Variants in FSTL5 observed in about 807,000 individuals in gnomAD.
FSTL5 encodes follistatin-related protein 5.
A neutral mutation model predicts 89.1 loss-of-function variants in FSTL5; 62 were observed. The ratio of observed to expected loss-of-function variants is 0.70; its 90% CI spans 0.57 to 0.86. FSTL5 has a LOEUF of 0.86. FSTL5 is among the 40% of genes least tolerant of loss of function. FSTL5 has a pLI of 0.00. For missense variants in FSTL5, 1,057 were observed against 1,001.6 expected (o/e 1.06, Z -0.75); for synonymous variants, 383 against 346.2 (o/e 1.11, Z -1.18).
chr4:161,879,585 A>C (rs1470808597), intron 4 of FSTL5, among the ~76,000 whole-genome samples: 1 of 151,844 alleles, frequency 6.6e-6, no homozygotes, highest in Non-Finnish European at 1.5e-5. Flanking sequence ...CTCCTTCCTC[A>C]CTCTTGTCCC....
At chr4:161,593,491 A>G (rs1400932863) in intron 7 of FSTL5, among the ~76,000 whole-genome samples, 4 of 151,880 alleles carry the variant, frequency 2.6e-5, no homozygotes, top group Non-Finnish European at 5.9e-5. Flanking sequence ...AGAGAAAAAA[A>G]GATCAGAGAA....
At chr4:161,402,005 T>C (rs1371217120) in intron 15 of FSTL5, among the ~76,000 whole-genome samples, 4 of 152,212 alleles carry the variant, frequency 2.6e-5, no homozygotes, top group Non-Finnish European at 4.4e-5. Context: ...TTAGATTTGA[T>C]CTTTTCATTT....
Position 161,817,973 on chromosome 4 carries a change from G to A in FSTL5, c.410-41899C>T, listed in dbSNP as rs558911161. On this transcript the variant is annotated intron_variant, in intron 4 of 15. Transcript: ENST00000306100. ...TCGGGGTCCACCCCCACGGACCTAAGTGAGGACAGGCATGTCTTGCGCAAA... is the reference window on the plus strand; with the variant it reads ...TCGGGGTCCACCCCCACGGACCTAAATGAGGACAGGCATGTCTTGCGCAAA... Among the ~76,000 whole-genome samples the A allele has an allele frequency of 7.2e-5, 11 of 152,346 alleles. No homozygotes were observed. The East Asian group carries it at 7.7e-4, about 11-fold the overall frequency.
chr4:161,624,231 T>C (rs375585345), intron 7 of FSTL5, among the ~76,000 whole-genome samples: 2 of 152,020 alleles, frequency 1.3e-5, no homozygotes, highest in East Asian at 1.9e-4. Flanking sequence ...CATCCCTTTA[T>C]TATTACAATT....
At chr4:161,565,329 A>C (rs568984360) in intron 8 of FSTL5, among the ~76,000 whole-genome samples, 1 of 152,052 alleles carries the variant, frequency 6.6e-6, no homozygotes, top group East Asian at 1.9e-4. Flanking sequence ...TCTTAGAAGT[A>C]GGTTTGCTTA....
chr4:161,719,346 T>G (rs1285205911), intron 6 of FSTL5, among the ~76,000 whole-genome samples: 1 of 152,196 alleles, frequency 6.6e-6, no homozygotes, highest in Non-Finnish European at 1.5e-5. Flanking sequence ...TTACTGTAGC[T>G]TTGAAATGGA....
At chr4:161,665,574 C>G (rs1347417340) in intron 6 of FSTL5, among the ~76,000 whole-genome samples, 2 of 152,064 alleles carry the variant, frequency 1.3e-5, no homozygotes, top group Non-Finnish European at 2.9e-5. Context: ...AAGATACAGC[C>G]TGCCTATATG....
rs1284008297 is a variant in FSTL5 at position 162,121,112 on chromosome 4, TTA to T, written c.-16-9702_-16-9701del. Among the ~76,000 whole-genome samples, 4 of 151,894 alleles carry T rather than the reference TTA, an allele frequency of 2.6e-5. No individual in the cohort carries two copies. The East Asian group carries it at 7.7e-4, about 29-fold the overall frequency. ...TTTGAATTTGTATGTAAATATACAT[TTA>T]GTTATTGATATATAGATATATAAAC... On this transcript the variant is annotated intron_variant, in intron 1 of 15. Coordinates refer to ENST00000306100, the MANE Select transcript of FSTL5 (RefSeq NM_020116.5).
intron 1 of FSTL5, among the ~76,000 whole-genome samples, chr4:162,127,680 A>C (rs1732135850): frequency 1.3e-5 from 2 of 152,184 alleles, no homozygotes; most frequent in African/African-American, 4.8e-5. Context: ...ATTTGAACTG[A>C]AAATACTAAT....
chr4:161,755,630 C>T (rs1740541375), intron 6 of FSTL5, among the ~76,000 whole-genome samples: 1 of 152,036 alleles, frequency 6.6e-6, no homozygotes, highest in South Asian at 2.1e-4. Context: ...TGGAGGAAGG[C>T]ATCCTGGATG....
intron 2 of FSTL5, among the ~76,000 whole-genome samples, chr4:162,064,326 T>C (rs1481870123): frequency 6.6e-6 from 1 of 152,028 alleles, no homozygotes; most frequent in African/African-American, 2.4e-5. Context: ...AAATGATACA[T>C]GCAGTGATTC....
intron 6 of FSTL5, among the ~76,000 whole-genome samples, chr4:161,699,242 A>C (rs958552188): frequency 6.6e-6 from 1 of 152,162 alleles, no homozygotes; most frequent in Non-Finnish European, 1.5e-5. Context: ...ATTTTTTAAA[A>C]CTTTTCATAT....
At chr4:161,983,965 T>C (rs1735896478) in intron 3 of FSTL5, among the ~76,000 whole-genome samples, 1 of 152,068 alleles carries the variant, frequency 6.6e-6, no homozygotes, top group Non-Finnish European at 1.5e-5. Flanking sequence ...GTAAAAAACT[T>C]TCCTGAAAAA....
intron 1 of FSTL5, among the ~76,000 whole-genome samples, chr4:162,142,747 A>G (rs1447512247): frequency 6.6e-6 from 1 of 152,176 alleles, no homozygotes; most frequent in Admixed American, 6.5e-5. Context: ...AGATGACAGA[A>G]CAAGCATTCT....
At chr4:161,469,377 C>A (rs1733855705) in intron 13 of FSTL5, among the ~76,000 whole-genome samples, 1 of 152,106 alleles carries the variant, frequency 6.6e-6, no homozygotes, top group Non-Finnish European at 1.5e-5. Context: ...TTTTAAATAA[C>A]CACCAGTCTC....
At chr4:161,712,740 T>C (rs1188111249) in intron 6 of FSTL5, among the ~76,000 whole-genome samples, 1 of 152,046 alleles carries the variant, frequency 6.6e-6, no homozygotes, top group East Asian at 1.9e-4. Flanking sequence ...ATGAGTTCAC[T>C]GGAGATCTCG....
intron 2 of FSTL5, among the ~76,000 whole-genome samples, chr4:162,039,975 G>A (rs569238393): frequency 6.6e-6 from 1 of 152,000 alleles, no homozygotes; most frequent in South Asian, 2.1e-4. Context: ...ATGAATAATA[G>A]TCAATAGATC....
intron 12 of FSTL5, among the ~76,000 whole-genome samples, chr4:161,486,706 T>G (rs1007889801): frequency 6.6e-6 from 1 of 152,166 alleles, no homozygotes; most frequent in African/African-American, 2.4e-5. Context: ...AAATAATGTA[T>G]AAGATTGCAT....
At chr4:161,506,018 A>G (rs1363136879) in intron 11 of FSTL5, among the ~76,000 whole-genome samples, 1 of 152,094 alleles carries the variant, frequency 6.6e-6, no homozygotes, top group Non-Finnish European at 1.5e-5. Flanking sequence ...TTCTGTGAGA[A>G]GTCTTTTTCT....
Sources: gnomAD v4.1 joint callset for allele counts (sites outside exome capture counted in the v4.1 genomes callset) on GRCh38, gnomAD v4.1.1 for gene constraint, MANE v1.5 for transcripts, NCBI Gene and HGNC (gene_info 2026-07-23, HGNC 2026-07-21) for gene names.